The following MTAP variants were observed in gnomAD, a reference collection of about 807,000 sequenced individuals.
MTAP encodes the protein S-methyl-5'-thioadenosine phosphorylase.
MTAP carries 33 observed loss-of-function variants against 33.6 expected under a neutral mutation model. That is an observed-to-expected ratio of 0.98 (90% CI 0.74 to 1.31). The LOEUF is 1.31. MTAP is among the 40% of genes most tolerant of loss of function. The probability of loss-of-function intolerance (pLI) is 0.00; values close to 1 mark genes in which losing one functional copy is unlikely to be tolerated. For missense variants in MTAP, 367 were observed against 360.0 expected, an observed-to-expected ratio of 1.02 and a Z score of -0.16; for synonymous variants, 148 against 125.7, an observed-to-expected ratio of 1.18 and a Z score of -1.19.
At position 21,837,971 on chromosome 9, in the gene MTAP, T is replaced by C. The variant is rs1825150935; in HGVS notation, c.411T>C (p.His137=). The change falls in exon 5 of 8, where the codon CAT becomes CAC. Residue 137 remains histidine, a synonymous_variant. Coordinates refer to ENST00000644715, the MANE Select transcript of MTAP (RefSeq NM_002451.4). The part of the protein sequence containing the change: ...GSHSCARGVC[H]IPMAEPFCPK... ...ATTCTTGTGCCAGAGGAGTGTGCCA[T>C]ATTCCAATGGCTGAGCCGTTTTGCC... 1 of 1,614,158 alleles carries C rather than the reference T, an allele frequency of 6.2e-7. No homozygotes were observed. Among genetic ancestry groups the C allele is most frequent in the East Asian group, 2.2e-5 (1 of 44,884 alleles).
chr9:21,827,159 T>C (rs1824842831), intron 4 of MTAP, among the ~76,000 whole-genome samples: 2 of 152,134 alleles, frequency 1.3e-5, no homozygotes, highest in Non-Finnish European at 2.9e-5. Flanking sequence ...CTCAGAATGC[T>C]CTGGGTGAAG....
At chr9:21,898,521 T>C (rs201765203) in intron 1 of MTAP, among the ~76,000 whole-genome samples, 5 of 152,048 alleles carry the variant, frequency 3.3e-5, no homozygotes, top group South Asian at 2.1e-4. Context: ...ACAAAGAACT[T>C]AAACAAATTT....
chr9:21,816,870 A>G, intron 3 of MTAP, 98 bp downstream of exon 3: 1 of 990,506 alleles, frequency 1.0e-6, no homozygotes, highest in Non-Finnish European at 1.5e-6. Context: ...GAGCTTTTAT[A>G]TGTTGGCAGA....
At chr9:21,892,004 G>T (rs1170603484) in intron 1 of MTAP, among the ~76,000 whole-genome samples, 1 of 152,102 alleles carries the variant, frequency 6.6e-6, no homozygotes, top group African/African-American at 2.4e-5. Flanking sequence ...TTTTAACCAA[G>T]AATTTTATCC....
At chr9:21,819,591 C>T (rs1451429697) in intron 4 of MTAP, among the ~76,000 whole-genome samples, 1 of 152,178 alleles carries the variant, frequency 6.6e-6, no homozygotes, top group African/African-American at 2.4e-5. Flanking sequence ...AATAGTGCCG[C>T]AATAAACATA....
rs374057632 is a variant in MTAP, at chr9:21,854,719, G to A, written c.539G>A (p.Arg180Gln). ...ATCGAGGGACCTCGTTTTAGCTCCC[G>A]GGCAGAAAGCTTCATGTTCCGCACC... ...VTIEGPRFSS[R>Q]AESFMFRTWG... Residue 180 changes from arginine to glutamine, a missense_variant, in exon 6 of 8, where the codon CGG (arginine) becomes CAG (glutamine). By Grantham distance (43) the Arg-to-Gln change is conservative (BLOSUM62 1). Coordinates refer to ENST00000644715, the MANE Select transcript of MTAP (RefSeq NM_002451.4). 1.1e-5 allele frequency: 18 copies of A among 1,614,074 alleles called. No homozygotes were observed. The highest frequency in any genetic ancestry group is 1.7e-4 in the Middle Eastern group (1 of 6,060).
At chr9:21,871,903 C>G (rs1318186949), downstream of MTAP, among the ~76,000 whole-genome samples, 1 of 152,184 alleles carries the variant, frequency 6.6e-6, no homozygotes, top group African/African-American at 2.4e-5. Flanking sequence ...TCAATAAAAA[C>G]TTGATGACTT....
intron 1 of MTAP, among the ~76,000 whole-genome samples, chr9:21,813,541 C>T (rs1433984431): frequency 2.0e-5 from 3 of 152,188 alleles, no homozygotes; most frequent in African/African-American, 7.2e-5. Flanking sequence ...CAATGCTGGG[C>T]AAGTTCACCT....
At chr9:21,804,254 G>A (rs1824146713) in intron 1 of MTAP, among the ~76,000 whole-genome samples, 1 of 152,058 alleles carries the variant, frequency 6.6e-6, no homozygotes, top group Non-Finnish European at 1.5e-5. Flanking sequence ...AAATTATTAA[G>A]TTATTGTGTT....
intron 1 of MTAP, among the ~76,000 whole-genome samples, chr9:21,875,555 C>A (rs1180647648): frequency 6.6e-6 from 1 of 152,068 alleles, no homozygotes; most frequent in Non-Finnish European, 1.5e-5. Context: ...CCTCCTCCCA[C>A]CCTTAACCCT....
At chr9:21,920,452 T>C (rs1425502024) in intron 1 of MTAP, among the ~76,000 whole-genome samples, 1 of 152,066 alleles carries the variant, frequency 6.6e-6, no homozygotes, top group Non-Finnish European at 1.5e-5. Context: ...CAAATTCAGG[T>C]TTTATGTGAC....
intron 1 of MTAP, among the ~76,000 whole-genome samples, chr9:21,910,660 G>A (rs2118844013): frequency 6.6e-6 from 1 of 152,212 alleles, no homozygotes; most frequent in African/African-American, 2.4e-5. Flanking sequence ...TATTGTGGGG[G>A]GAGTCCTTGT....
At chr9:21,810,654 A>G (rs1824322566) in intron 1 of MTAP, among the ~76,000 whole-genome samples, 1 of 152,218 alleles carries the variant, frequency 6.6e-6, no homozygotes, top group South Asian at 2.1e-4. Context: ...TTCAAACCAT[A>G]ACATGAGGTA....
intron 1 of MTAP, among the ~76,000 whole-genome samples, chr9:21,883,218 A>T (rs2118710037): frequency 6.6e-6 from 1 of 152,210 alleles, no homozygotes; most frequent in South Asian, 2.1e-4. Flanking sequence ...AAAGGGAGTA[A>T]AAGATTTAAA....
At chr9:21,904,712 A>G (rs1818447044) in intron 1 of MTAP, among the ~76,000 whole-genome samples, 1 of 152,232 alleles carries the variant, frequency 6.6e-6, no homozygotes, top group South Asian at 2.1e-4. Flanking sequence ...GTTGCTGATT[A>G]GTAAGGTTTT....
intron 1 of MTAP, chr9:21,803,035 CA>C (rs1311362872): frequency 1.5e-5 from 16 of 1,077,102 alleles, no homozygotes; most frequent in African/African-American, 1.1e-4. Flanking sequence ...CACACACACA[CA>C]CCACCTTTTG....
At position 21,864,720 on chromosome 9, in the gene MTAP, G is replaced by A; in HGVS notation, c.*2706G>A. The A allele has an allele frequency of 1.0e-6, 1 of 985,384 alleles. No homozygotes were observed. Among genetic ancestry groups the A allele is most frequent in the Non-Finnish European group, 1.2e-6 (1 of 829,962 alleles). The allele number at this position is 985,384 out of a possible 1,614,324, so 61.0% of individuals were successfully genotyped here. ...AAACTCTGGTACGGTGGCACCCTCA[G>A]GAGTGGAGGACAGTGAACTTCCTTG... On this transcript the variant is annotated 3_prime_UTR_variant, in exon 8 of 8. Coordinates refer to ENST00000644715, the MANE Select transcript of MTAP (RefSeq NM_002451.4).
chr9:21,872,496 C>G (rs577511618), intron 1 of MTAP, among the ~76,000 whole-genome samples: 6 of 152,138 alleles, frequency 3.9e-5, no homozygotes, highest in Non-Finnish European at 7.4e-5. Context: ...ATTGTTGATT[C>G]GGTTGATACT....
At position 21,816,747 on chromosome 9, in the gene MTAP, A is replaced by G; in HGVS notation, c.154A>G (p.Asn52Asp). ...TGCCTTAATTTTGGGGAAGATAAAA[A>G]ATGTTGATTGCGTCCTCCTTGCAAG... ...SDALILGKIK[N>D]VDCVLLARHG... is the part of the protein sequence containing the mutation. The change falls in exon 3 of 8, where the codon AAT becomes GAT. Residue 52 changes from asparagine (N) to aspartate (D), a missense_variant. Transcript: ENST00000644715. 1 of 1,612,360 alleles carries G rather than the reference A, an allele frequency of 6.2e-7. No homozygotes were observed. Among genetic ancestry groups the G allele is most frequent in the African/African-American group, 1.3e-5 (1 of 75,008 alleles).
Sources: allele counts gnomAD v4.1 joint callset (sites outside exome capture counted in the v4.1 genomes callset), GRCh38; gene constraint gnomAD v4.1.1; transcripts MANE v1.5; gene names NCBI Gene and HGNC (gene_info 2026-07-23, HGNC 2026-07-21).